Variants in PCDH15 observed in about 807,000 individuals in gnomAD.
PCDH15 encodes protocadherin-15.
PCDH15 carries 129 observed loss-of-function variants against 178.5 expected under a neutral mutation model. The ratio of observed to expected loss-of-function variants is 0.72; its 90% CI spans 0.63 to 0.84. The LOEUF is 0.84. PCDH15 is among the 40% of genes least tolerant of loss of function. The probability of loss-of-function intolerance (pLI) is 0.00; values close to 1 mark genes in which losing one functional copy is unlikely to be tolerated. For missense variants in PCDH15, 2,230 were observed against 2,099.9 expected (o/e 1.06, Z -1.21); for synonymous variants, 800 against 732.0 (o/e 1.09, Z -1.50).
At chr10:54,498,189 T>C (rs2080313284) in intron 3 of PCDH15, among the ~76,000 whole-genome samples, 1 of 152,032 alleles carries the variant, frequency 6.6e-6, no homozygotes, top group Admixed American at 6.6e-5. Flanking sequence ...ATCTAAAAAT[T>C]TCATATCCAG....
At chr10:54,446,217 T>G (rs1306488232) in intron 3 of PCDH15, among the ~76,000 whole-genome samples, 1 of 151,700 alleles carries the variant, frequency 6.6e-6, no homozygotes. Context: ...TTTCTCTCTA[T>G]AGTTTTCTTG....
chr10:54,314,036 A>G (rs1323989798), intron 8 of PCDH15, among the ~76,000 whole-genome samples: 2 of 152,050 alleles, frequency 1.3e-5, no homozygotes, highest in African/African-American at 2.4e-5. Context: ...CCACTGGTAC[A>G]CTAGCTGAAT....
chr10:53,967,387 G>C (rs1017128910), intron 21 of PCDH15, among the ~76,000 whole-genome samples: 4 of 152,102 alleles, frequency 2.6e-5, no homozygotes, highest in African/African-American at 4.8e-5. Flanking sequence ...TGTGAGAATG[G>C]ATTAATACAT....
chr10:54,353,913 C>G (rs1302569769), intron 5 of PCDH15, among the ~76,000 whole-genome samples: 1 of 152,082 alleles, frequency 6.6e-6, no homozygotes, highest in Admixed American at 6.5e-5. Context: ...ATAAATAACT[C>G]TATCTTTACT....
At chr10:54,224,659 A>G (rs978032132) in intron 9 of PCDH15, among the ~76,000 whole-genome samples, 1 of 152,086 alleles carries the variant, frequency 6.6e-6, no homozygotes, top group African/African-American at 2.4e-5. Flanking sequence ...ATTTTCATCT[A>G]TGCCCTAACA....
intron 20 of PCDH15, among the ~76,000 whole-genome samples, chr10:54,003,707 T>C (rs1469592874): frequency 4.0e-5 from 4 of 98,972 alleles, no homozygotes; most frequent in African/African-American, 1.2e-4. Flanking sequence ...TTTAAAGAAG[T>C]ACTAATACTA....
chr10:55,475,574 A>C (rs1840046515), intron 2 of PCDH15, among the ~76,000 whole-genome samples: 1 of 152,102 alleles, frequency 6.6e-6, no homozygotes, highest in Non-Finnish European at 1.5e-5. Flanking sequence ...ACCTTGTAAA[A>C]TAGGTTGCAG....
At chr10:54,221,162 T>C (rs1393656739) in intron 9 of PCDH15, among the ~76,000 whole-genome samples, 2 of 152,148 alleles carry the variant, frequency 1.3e-5, no homozygotes, top group African/African-American at 4.8e-5. Flanking sequence ...ATCACAATTA[T>C]AAATAATACG....
At chr10:54,314,079 A>AT (rs757046411) in intron 8 of PCDH15, among the ~76,000 whole-genome samples, 1 of 151,912 alleles carries the variant, frequency 6.6e-6, no homozygotes, top group Non-Finnish European at 1.5e-5. Context: ...TAATACTAAA[A>AT]ATATATTTTT....
intron 2 of PCDH15, among the ~76,000 whole-genome samples, chr10:55,332,871 C>T (rs946199387): frequency 4.6e-5 from 7 of 152,136 alleles, no homozygotes; most frequent in South Asian, 2.1e-4. Context: ...TCCATTAAAC[C>T]TTTTCTTCTT....
At chr10:54,649,703 A>T (rs747376613) in intron 2 of PCDH15, among the ~76,000 whole-genome samples, 2 of 152,082 alleles carry the variant, frequency 1.3e-5, no homozygotes, top group Non-Finnish European at 2.9e-5. Flanking sequence ...TATTTTGTCT[A>T]CACATATAAT....
At chr10:55,245,660 T>A (rs1362170285) in intron 1 of PCDH15, among the ~76,000 whole-genome samples, 1 of 152,164 alleles carries the variant, frequency 6.6e-6, no homozygotes, top group African/African-American at 2.4e-5. Context: ...TGGTAATTAC[T>A]TCATATATGT....
intron 15 of PCDH15, among the ~76,000 whole-genome samples, chr10:54,092,279 C>T (rs2094611783): frequency 6.6e-6 from 1 of 152,070 alleles, no homozygotes. Context: ...TCTCTGCCAC[C>T]ACCTTCCTCA....
chr10:54,944,486 C>T (rs1838143024), intron 2 of PCDH15, among the ~76,000 whole-genome samples: 1 of 151,868 alleles, frequency 6.6e-6, no homozygotes, highest in Non-Finnish European at 1.5e-5. Context: ...GTCAGAGGAG[C>T]TGTCTGGATT....
At chr10:55,390,774 T>C (rs1424364808) in intron 2 of PCDH15, among the ~76,000 whole-genome samples, 1 of 152,196 alleles carries the variant, frequency 6.6e-6, no homozygotes, top group African/African-American at 2.4e-5. Flanking sequence ...CCATCAGAGC[T>C]CTTGGGTGAC....
chr10:54,627,450 T>TC (rs1325587901), intron 2 of PCDH15, among the ~76,000 whole-genome samples: 1 of 152,134 alleles, frequency 6.6e-6, no homozygotes, highest in Non-Finnish European at 1.5e-5. Context: ...CTGATGGTTT[T>TC]AAAAATGGAA....
In PCDH15 at chr10:53,806,757, T is replaced by C. The variant is rs777886341; in HGVS notation, c.5045A>G (p.Asn1682Ser). 7.4e-6 allele frequency: 12 copies of C among 1,613,722 alleles called. No individual in the cohort carries two copies. The highest frequency in any genetic ancestry group is 3.3e-4 in the Middle Eastern group (2 of 6,084). Residue 1682 changes from asparagine (N) to serine (S), a missense_variant, in exon 38 of 38, where the codon AAT becomes AGT. Asn to Ser is a conservative substitution (Grantham distance 46, BLOSUM62 1). Transcript: ENST00000644397. ...TFAPCPVGTD[N>S]TAVKPLRNRL... is the part of the protein sequence containing the mutation. ...GTTCCTTAGTGGCTTCACCGCTGTA[T>C]TGTCAGTCCCCACAGGGCAAGGGGC... is the stretch of plus-strand genomic sequence containing the variant.
intron 26 of PCDH15, among the ~76,000 whole-genome samples, chr10:53,888,303 T>TACAC (rs375310468): frequency 1.8e-4 from 10 of 54,380 alleles, no homozygotes; most frequent in South Asian, 8.8e-4. Flanking sequence ...TATATATATA[T>TACAC]ATATATGTAT....
At chr10:55,553,478 C>T (rs1474016594) in intron 2 of PCDH15, among the ~76,000 whole-genome samples, 1 of 151,698 alleles carries the variant, frequency 6.6e-6, no homozygotes, top group Non-Finnish European at 1.5e-5. Flanking sequence ...AAAACTTATT[C>T]ATCATAAAAA....
Sources: gnomAD v4.1 joint callset for allele counts (sites outside exome capture counted in the v4.1 genomes callset) on GRCh38, gnomAD v4.1.1 for gene constraint, MANE v1.5 for transcripts, NCBI Gene and HGNC (gene_info 2026-07-23, HGNC 2026-07-21) for gene names.